Variants in PKP4 observed in about 807,000 individuals in gnomAD.
The protein encoded by PKP4 is plakophilin 4.
A neutral mutation model predicts 145.1 loss-of-function variants in PKP4; 90 were observed. The ratio of observed to expected loss-of-function variants is 0.62; its 90% CI spans 0.52 to 0.74. The LOEUF (loss-of-function observed/expected upper bound fraction) is 0.74. Ranked by LOEUF, PKP4 falls within the 30% of genes least tolerant of loss-of-function variation. The pLI is 0.00. For synonymous variants in PKP4, 563 were observed against 577.2 expected (o/e 0.98, Z 0.35); for missense variants, 1,340 against 1,482.7 (o/e 0.90, Z 1.58).
intron 11 of PKP4, among the ~76,000 whole-genome samples, chr2:158,649,994 C>T (rs970976239): frequency 6.6e-6 from 1 of 152,208 alleles, no homozygotes; most frequent in Non-Finnish European, 1.5e-5. Flanking sequence ...ACATGTAGGT[C>T]AGCTGTGGAG....
At chr2:158,612,150 A>G (rs1174432757) in intron 4 of PKP4, among the ~76,000 whole-genome samples, 1 of 152,044 alleles carries the variant, frequency 6.6e-6, no homozygotes, top group Non-Finnish European at 1.5e-5. Flanking sequence ...ATAGGAAAAA[A>G]TCTGGAATAA....
intron 1 of PKP4, among the ~76,000 whole-genome samples, chr2:158,461,219 G>A (rs970422714): frequency 1.3e-5 from 2 of 152,160 alleles, no homozygotes. Context: ...TTAATTTAGT[G>A]TGCTATGTTA....
intron 9 of PKP4, among the ~76,000 whole-genome samples, chr2:158,637,430 A>G (rs2105924045): frequency 6.6e-6 from 1 of 152,232 alleles, no homozygotes; most frequent in Middle Eastern, 3.4e-3. Flanking sequence ...AGGACTTCGG[A>G]TAGTCCACAC....
chr2:158,654,935 G>C (rs536397963), intron 11 of PKP4, among the ~76,000 whole-genome samples: 1 of 151,960 alleles, frequency 6.6e-6, no homozygotes, highest in Non-Finnish European at 1.5e-5. Flanking sequence ...GATAATGATA[G>C]GGTATTTCTT....
chr2:158,474,461 G>T (rs1692125854), intron 1 of PKP4, among the ~76,000 whole-genome samples: 1 of 152,014 alleles, frequency 6.6e-6, no homozygotes, highest in African/African-American at 2.4e-5. Context: ...AGAATTCACA[G>T]AATTACATCG....
intron 1 of PKP4, among the ~76,000 whole-genome samples, chr2:158,494,386 G>A (rs573740061): frequency 4.3e-4 from 66 of 151,918 alleles, no homozygotes; most frequent in African/African-American, 6.3e-4. Context: ...AAACTACAGC[G>A]TTATTTGCAA....
chr2:158,480,442 C>T (rs9288715), intron 1 of PKP4, among the ~76,000 whole-genome samples: 108,038 of 151,830 alleles, frequency 0.71, 38,975 homozygotes, highest in East Asian at 0.89. Flanking sequence ...TCACCATGTT[C>T]GCCAGGCTGG....
chr2:158,547,690 T>G (rs2045199885), intron 2 of PKP4, among the ~76,000 whole-genome samples: 1 of 152,246 alleles, frequency 6.6e-6, no homozygotes, highest in South Asian at 2.1e-4. Flanking sequence ...AGTTGACTTT[T>G]TAAAACACAT....
intron 1 of PKP4, among the ~76,000 whole-genome samples, chr2:158,522,700 T>C (rs1559264484): frequency 6.6e-6 from 1 of 152,222 alleles, no homozygotes; most frequent in African/African-American, 2.4e-5. Context: ...GGGTGATTTC[T>C]GCATTTCCAT....
chr2:158,652,652 A>G (rs2055484474), intron 11 of PKP4, among the ~76,000 whole-genome samples: 1 of 152,176 alleles, frequency 6.6e-6, no homozygotes, highest in African/African-American at 2.4e-5. Flanking sequence ...TATTAATCTA[A>G]TATTTCTACC....
chr2:158,568,347 A>G (rs1044167303), intron 2 of PKP4, among the ~76,000 whole-genome samples: 2 of 152,158 alleles, frequency 1.3e-5, no homozygotes, highest in African/African-American at 4.8e-5. Context: ...TACGAAAGAA[A>G]GAAAAACACA....
chr2:158,484,241 G>A (rs368268798), intron 1 of PKP4, among the ~76,000 whole-genome samples: 3 of 151,832 alleles, frequency 2.0e-5, no homozygotes, highest in Non-Finnish European at 4.4e-5. Flanking sequence ...TAGAGACGGG[G>A]TTTCACCTTG....
intron 3 of PKP4, among the ~76,000 whole-genome samples, chr2:158,598,025 T>G (rs1321615545): frequency 6.6e-6 from 1 of 151,998 alleles, no homozygotes; most frequent in Non-Finnish European, 1.5e-5. Context: ...AGGGTCTCAC[T>G]TTGTTGCCCC....
chr2:158,547,969 T>G (rs1243416448), intron 2 of PKP4, among the ~76,000 whole-genome samples: 1 of 152,240 alleles, frequency 6.6e-6, no homozygotes, highest in Non-Finnish European at 1.5e-5. Context: ...GTGAAGCTGT[T>G]GGATATAAAA....
At chr2:158,478,525 G>A (rs991714434) in intron 1 of PKP4, among the ~76,000 whole-genome samples, 2 of 152,198 alleles carry the variant, frequency 1.3e-5, no homozygotes, top group African/African-American at 2.4e-5. Flanking sequence ...TCTCTGCCTT[G>A]GCAATAGCTC....
chr2:158,673,615 C>A, intron 17 of PKP4, 62 bp from the exon 18 acceptor site: 1 of 1,204,468 alleles, frequency 8.3e-7, no homozygotes, highest in Non-Finnish European at 1.2e-6. Flanking sequence ...CATCCTGCAC[C>A]CCTCTGAGTG....
At chr2:158,619,428 A>G (rs967550308) in intron 4 of PKP4, among the ~76,000 whole-genome samples, 1 of 152,222 alleles carries the variant, frequency 6.6e-6, no homozygotes. Context: ...GTAAAAACCT[A>G]TACTAAGAAT....
At chr2:158,579,720 G>C (rs925656180) in intron 3 of PKP4, among the ~76,000 whole-genome samples, 2 of 152,002 alleles carry the variant, frequency 1.3e-5, no homozygotes, top group Non-Finnish European at 2.9e-5. Context: ...TGAAACTCTA[G>C]AGCAGTTAAA....
chr2:158,473,372 A>T (rs1033443715), intron 1 of PKP4, among the ~76,000 whole-genome samples: 1 of 152,238 alleles, frequency 6.6e-6, no homozygotes, highest in African/African-American at 2.4e-5. Flanking sequence ...TGTTCATTGC[A>T]GCACTATTCA....
Sources: gnomAD v4.1 joint callset for allele counts (sites outside exome capture counted in the v4.1 genomes callset) on GRCh38, gnomAD v4.1.1 for gene constraint, MANE v1.5 for transcripts, NCBI Gene and HGNC (gene_info 2026-07-23, HGNC 2026-07-21) for gene names.